Variants in FUT9 observed in about 807,000 individuals in gnomAD.
FUT9 encodes fucosyltransferase 9.
FUT9 carries 15 observed loss-of-function variants against 29.7 expected under a neutral mutation model. The observed-to-expected ratio is 0.51, with a 90% CI of 0.34 to 0.78. FUT9 has a LOEUF of 0.78. Among genes scored for constraint, FUT9 ranks in the 30% least tolerant of loss-of-function variants. The probability of loss-of-function intolerance (pLI) is 0.01; values close to 1 mark genes in which losing one functional copy is unlikely to be tolerated. For missense variants in FUT9, 319 were observed against 425.4 expected (o/e 0.75, Z 2.20); for synonymous variants, 169 against 153.7 (o/e 1.10, Z -0.74).
chr6:96,155,597 T>A (rs187839193), intron 2 of FUT9, among the ~76,000 whole-genome samples: 3 of 150,398 alleles, frequency 2.0e-5, no homozygotes, highest in Admixed American at 1.3e-4. Context: ...GGTGTGAACC[T>A]GGGAGGCGGA....
intron 1 of FUT9, among the ~76,000 whole-genome samples, chr6:96,023,048 A>G (rs1287648520): frequency 1.3e-5 from 2 of 151,950 alleles, no homozygotes; most frequent in Non-Finnish European, 2.9e-5. Context: ...GCCACAGCCT[A>G]CTAACACAGT....
At chr6:96,131,715 G>T (rs895447887) in intron 2 of FUT9, among the ~76,000 whole-genome samples, 2 of 152,074 alleles carry the variant, frequency 1.3e-5, no homozygotes, top group Non-Finnish European at 2.9e-5. Flanking sequence ...AAGAAATTGA[G>T]ATTGAGAAAA....
At chr6:96,041,032 T>A (rs1770450854) in intron 1 of FUT9, among the ~76,000 whole-genome samples, 1 of 151,932 alleles carries the variant, frequency 6.6e-6, no homozygotes, top group Non-Finnish European at 1.5e-5. Context: ...AGCTGCCCCA[T>A]CTCTTATTTG....
chr6:96,076,970 A>G (rs1399421059), intron 1 of FUT9, among the ~76,000 whole-genome samples: 1 of 152,198 alleles, frequency 6.6e-6, no homozygotes, highest in Non-Finnish European at 1.5e-5. Flanking sequence ...CAAAATTTTT[A>G]TCAGAGCAAT....
At chr6:96,146,566 G>A (rs935916236) in intron 2 of FUT9, among the ~76,000 whole-genome samples, 4 of 152,130 alleles carry the variant, frequency 2.6e-5, no homozygotes, top group Non-Finnish European at 4.4e-5. Context: ...CATGCATATG[G>A]TAAATGTTAT....
chr6:96,073,274 C>A (rs528644423), intron 1 of FUT9, among the ~76,000 whole-genome samples: 3 of 152,030 alleles, frequency 2.0e-5, no homozygotes, highest in South Asian at 2.1e-4. Context: ...TATGGTGAAA[C>A]CTCATCTCTA....
chr6:96,163,663 A>T (rs1772956605), intron 2 of FUT9, among the ~76,000 whole-genome samples: 1 of 152,038 alleles, frequency 6.6e-6, no homozygotes, highest in African/African-American at 2.4e-5. Context: ...ATCTGCTGTG[A>T]TTCTGGGGGT....
intron 2 of FUT9, among the ~76,000 whole-genome samples, chr6:96,192,814 T>C (rs1773537698): frequency 6.6e-6 from 1 of 152,034 alleles, no homozygotes; most frequent in African/African-American, 2.4e-5. Flanking sequence ...AATACAAGGC[T>C]ACAGTAAACA....
chr6:96,067,457 A>G (rs1770983429), intron 1 of FUT9, among the ~76,000 whole-genome samples: 1 of 152,156 alleles, frequency 6.6e-6, no homozygotes, highest in South Asian at 2.1e-4. Context: ...TGACGGAGTC[A>G]CACCTGATCG....
In FUT9 at chr6:96,076,075, T is replaced by C. The variant is rs576616599; in HGVS notation, c.-97-37964T>C. ...CAAGTGGTCTGAAGTGAGCTGTGAC[T>C]CAGGGCAGTCAGTTTCTCTGTGGGT... On this transcript the variant is annotated intron_variant, in intron 1 of 2. Transcript: ENST00000302103. 5.9e-5 allele frequency among the ~76,000 whole-genome samples: 9 copies of C among 152,238 alleles called. No homozygotes were observed. In the East Asian group the frequency reaches 1.4e-3, roughly 23 times the overall value.
chr6:96,030,054 A>G (rs1770233793), intron 1 of FUT9, among the ~76,000 whole-genome samples: 1 of 151,620 alleles, frequency 6.6e-6, no homozygotes, highest in South Asian at 2.1e-4. Flanking sequence ...TTTTCTGATG[A>G]CCAGAACTCC....
intron 1 of FUT9, among the ~76,000 whole-genome samples, chr6:96,033,893 CATAA>C (rs1253597948): frequency 6.6e-5 from 10 of 151,376 alleles, no homozygotes; most frequent in Non-Finnish European, 1.5e-4. Context: ...TACACACATT[CATAA>C]ATATATACAC....
At chr6:96,202,188 G>T (rs1243516667) in intron 2 of FUT9, among the ~76,000 whole-genome samples, 1 of 151,684 alleles carries the variant, frequency 6.6e-6, no homozygotes, top group Admixed American at 6.6e-5. Flanking sequence ...GAATGCCGAA[G>T]AGAAAAAAAC....
At chr6:96,087,691 C>T (rs1771342027) in intron 1 of FUT9, among the ~76,000 whole-genome samples, 1 of 152,128 alleles carries the variant, frequency 6.6e-6, no homozygotes, top group African/African-American at 2.4e-5. Flanking sequence ...GTGCTATTAT[C>T]ATACATTTTA....
At chr6:96,160,469 T>C (rs1772876309) in intron 2 of FUT9, among the ~76,000 whole-genome samples, 1 of 152,190 alleles carries the variant, frequency 6.6e-6, no homozygotes, top group Non-Finnish European at 1.5e-5. Flanking sequence ...CTCTGGTCAA[T>C]CTGGTGAAAC....
At chr6:96,039,969 C>T (rs1474518222) in intron 1 of FUT9, among the ~76,000 whole-genome samples, 1 of 151,066 alleles carries the variant, frequency 6.6e-6, no homozygotes, top group Non-Finnish European at 1.5e-5. Context: ...CTGTCTCTTT[C>T]CTTCTCTTTC....
chr6:96,184,535 G>T (rs1037116671), intron 2 of FUT9, among the ~76,000 whole-genome samples: 1 of 151,914 alleles, frequency 6.6e-6, no homozygotes, highest in Non-Finnish European at 1.5e-5. Context: ...TCCTTGAGGT[G>T]TGACCTTAGA....
At chr6:96,178,069 T>G (rs1010299944) in intron 2 of FUT9, among the ~76,000 whole-genome samples, 4 of 152,072 alleles carry the variant, frequency 2.6e-5, no homozygotes, top group African/African-American at 9.7e-5. Context: ...ACACTGCCAT[T>G]CTCCTCAGCT....
intron 1 of FUT9, among the ~76,000 whole-genome samples, chr6:96,026,914 C>T (rs963214724): frequency 6.6e-5 from 10 of 151,638 alleles, no homozygotes; most frequent in Non-Finnish European, 1.5e-5. Flanking sequence ...ACCTCCCCAA[C>T]TGAAGCATGG....
Sources: gnomAD v4.1 joint callset for allele counts (sites outside exome capture counted in the v4.1 genomes callset) on GRCh38, gnomAD v4.1.1 for gene constraint, MANE v1.5 for transcripts, NCBI Gene and HGNC (gene_info 2026-07-23, HGNC 2026-07-21) for gene names.